Variants in MRTFB observed in about 807,000 individuals in gnomAD.
MRTFB encodes myocardin-related transcription factor B.
Under a neutral mutation model 104.2 loss-of-function variants are expected in MRTFB, and 29 were observed. The ratio of observed to expected loss-of-function variants is 0.28; its 90% confidence interval spans 0.21 to 0.38. The LOEUF (loss-of-function observed/expected upper bound fraction) is 0.38, where lower values mean the gene tolerates loss of function less well. MRTFB is among the 10% of genes least tolerant of loss of function. MRTFB has a pLI of 1.00. For synonymous variants in MRTFB, 535 were observed against 519.5 expected (o/e 1.03, Z -0.41); for missense variants, 1,270 against 1,341.6 (o/e 0.95, Z 0.83).
At chr16:14,054,733 A>G in the MRTFB span, among the ~76,000 whole-genome samples, 17 of 152,172 alleles carry the variant, frequency 1.1e-4, no homozygotes, top group Admixed American at 3.3e-4. Context: ...AGAGTCCATC[A>G]TAGTACTTAA....
At chr16:14,078,520 C>G (rs2034203859) in intron 1 of MRTFB, among the ~76,000 whole-genome samples, 1 of 151,926 alleles carries the variant, frequency 6.6e-6, no homozygotes, top group Non-Finnish European at 1.5e-5. Flanking sequence ...GCCTTGAACT[C>G]CTAGGCTCAA....
chr16:14,032,279 A>G, the MRTFB span, among the ~76,000 whole-genome samples: 14 of 152,334 alleles, frequency 9.2e-5, no homozygotes, highest in East Asian at 2.7e-3. Context: ...CAATGCTTTC[A>G]TCCATCATGC....
chr16:14,014,024 G>A, the MRTFB span, among the ~76,000 whole-genome samples: 1 of 152,042 alleles, frequency 6.6e-6, no homozygotes, highest in African/African-American at 2.4e-5. Flanking sequence ...TCGCTTAGTC[G>A]TTTGTCTGTC....
intron 2 of MRTFB, among the ~76,000 whole-genome samples, chr16:14,122,902 C>T (rs1049480972): frequency 6.6e-6 from 1 of 152,214 alleles, no homozygotes; most frequent in African/African-American, 2.4e-5. Flanking sequence ...TTTACACTCC[C>T]ACCAACAGTG....
At chr16:14,117,275 G>A (rs558500812) in intron 2 of MRTFB, among the ~76,000 whole-genome samples, 1 of 152,354 alleles carries the variant, frequency 6.6e-6, no homozygotes, top group South Asian at 2.1e-4. Flanking sequence ...ATCACAAGCA[G>A]TCCTTGCCCT....
At chr16:14,224,645 G>A (rs963300482) in intron 8 of MRTFB, among the ~76,000 whole-genome samples, 12 of 152,188 alleles carry the variant, frequency 7.9e-5, no homozygotes, top group Non-Finnish European at 1.5e-4. Context: ...GGATTTCTCA[G>A]TAGAAGCCTT....
In MRTFB at chr16:14,247,214, C is replaced by G. The variant is rs778168841; in HGVS notation, c.1954C>G (p.Gln652Glu). 7 of 1,614,182 alleles carry G rather than the reference C, an allele frequency of 4.3e-6. No individual in the cohort carries two copies. The highest frequency in any genetic ancestry group is 5.9e-6 in the Non-Finnish European group (7 of 1,180,044). Residue 652 changes from glutamine to glutamate, a missense_variant, in exon 12 of 17, where the codon CAG becomes GAG. This residue lies in a region of MRTFB where 1,144 missense variants were observed against 1,131.5 expected (regional missense o/e 1.01). Coordinates refer to ENST00000571589, the MANE Select transcript of MRTFB (RefSeq NM_001308142.2). ...ASLPDCSSSR[Q>E]PIPVASHAVG... is the part of the protein sequence containing the mutation. Reference sequence around the variant, plus strand: ...ACTCCCTGACTGCTCCAGCTCCAGGCAGCCCATCCCAGTAGCCAGCCACGC... The same window carrying G: ...ACTCCCTGACTGCTCCAGCTCCAGGGAGCCCATCCCAGTAGCCAGCCACGC...
chr16:14,140,485 T>C (rs1397759234), intron 2 of MRTFB, 59 bp from the exon 3 acceptor site: 2 of 1,259,708 alleles, frequency 1.6e-6, no homozygotes, highest in Non-Finnish European at 2.2e-6. Flanking sequence ...TTTAATACTT[T>C]TGTGCAAATT....
chr16:14,133,437 C>T (rs754934278), intron 2 of MRTFB, among the ~76,000 whole-genome samples: 3 of 152,234 alleles, frequency 2.0e-5, no homozygotes, highest in Non-Finnish European at 2.9e-5. Flanking sequence ...CACTACTGCA[C>T]TTAGTCATGT....
chr16:14,142,872 A>G (rs1360894109), intron 3 of MRTFB: 1 of 152,198 alleles, frequency 6.6e-6, no homozygotes. Context: ...CCCCTTATAA[A>G]CTTCTAAGGA....
chr16:14,080,405 T>C (rs72783441), intron 2 of MRTFB, among the ~76,000 whole-genome samples: 8,934 of 152,282 alleles, frequency 0.059, 513 homozygotes, highest in East Asian at 0.3. Flanking sequence ...GTACCACATG[T>C]TTTGAAGTAT....
chr16:14,124,633 C>G (rs1442696296), intron 2 of MRTFB, among the ~76,000 whole-genome samples: 1 of 152,182 alleles, frequency 6.6e-6, no homozygotes, highest in African/African-American at 2.4e-5. Flanking sequence ...GGTGGATGAG[C>G]TTTTTGATGT....
rs776214639 is a variant in MRTFB, at chr16:14,260,952, A to G, written c.2808A>G (p.Lys936=). 2 of 1,613,594 alleles carry G rather than the reference A, an allele frequency of 1.2e-6. No homozygotes were observed. The highest frequency in any genetic ancestry group is 1.1e-5 in the South Asian group (1 of 90,940). Residue 936 remains lysine, a synonymous_variant, in exon 17 of 17, where the codon AAA becomes AAG. Coordinates refer to ENST00000571589, the MANE Select transcript of MRTFB (RefSeq NM_001308142.2). ...AAGAAGAACCTTCTCCTATTTCCAA[A>G]ATGAGACCAGTGACAGCCAGCATCA... ...PIKEEPSPIS[K]MRPVTASITT...
chr16:14,022,953 C>T, the MRTFB span, among the ~76,000 whole-genome samples: 1 of 151,986 alleles, frequency 6.6e-6, no homozygotes, highest in African/African-American at 2.4e-5. Flanking sequence ...GCCTCGGCCT[C>T]CCAAAGTGCT....
intron 9 of MRTFB, among the ~76,000 whole-genome samples, chr16:14,236,367 A>G (rs1007223102): frequency 1.3e-5 from 2 of 152,236 alleles, no homozygotes; most frequent in African/African-American, 4.8e-5. Flanking sequence ...TTCACGATTC[A>G]TTTGTTGAAC....
intron 3 of MRTFB, chr16:14,186,786 A>C: frequency 6.5e-7 from 1 of 1,533,252 alleles, no homozygotes; most frequent in Non-Finnish European, 8.7e-7. Context: ...ATAATTGGCC[A>C]GTGATTGGGG....
intron 2 of MRTFB, among the ~76,000 whole-genome samples, chr16:14,135,209 A>G (rs1048520992): frequency 3.9e-5 from 6 of 152,072 alleles, no homozygotes; most frequent in Non-Finnish European, 7.4e-5. Context: ...AGCCTTTCCA[A>G]CTGCCCAAAT....
chr16:14,068,065 C>G (rs1048724921), upstream of MRTFB, among the ~76,000 whole-genome samples: 1 of 152,142 alleles, frequency 6.6e-6, no homozygotes, highest in African/African-American at 2.4e-5. Flanking sequence ...CTTCTGTCCC[C>G]AGGTGATCCT....
chr16:14,095,602 C>G (rs549226365), intron 2 of MRTFB, among the ~76,000 whole-genome samples: 9 of 152,332 alleles, frequency 5.9e-5, no homozygotes, highest in Non-Finnish European at 1.2e-4. Flanking sequence ...TTGAGTGAAA[C>G]TCAAACTACA....
Sources: gnomAD v4.1 joint callset for allele counts (sites outside exome capture counted in the v4.1 genomes callset) on GRCh38, gnomAD v4.1.1 for gene constraint, gnomAD v4.1.1 regional missense constraint, MANE v1.5 for transcripts, NCBI Gene and HGNC (gene_info 2026-07-23, HGNC 2026-07-21) for gene names.